The following FOXC1 variants were observed in gnomAD, a reference collection of about 807,000 sequenced individuals.
FOXC1 encodes forkhead box C1, also known as forkhead box protein C1.
Under a neutral mutation model 8.1 loss-of-function variants are expected in FOXC1, and 5 were observed. That is an observed-to-expected ratio of 0.62 (90% CI 0.32 to 1.30). FOXC1 has a LOEUF of 1.30. FOXC1 is among the 50% of genes most tolerant of loss of function. The pLI, the probability that FOXC1 is intolerant of heterozygous loss-of-function variation, is 0.05. For synonymous variants in FOXC1, 552 were observed against 417.2 expected (o/e 1.32, Z -3.94); for missense variants, 942 against 858.0 (o/e 1.10, Z -1.22).
chr6:1,612,221 A>G lies in FOXC1; in HGVS notation c.*114A>G. 6.7e-7 allele frequency: 1 copy of G among 1,488,666 alleles called. No homozygotes were observed. Among genetic ancestry groups the G allele is most frequent in the Non-Finnish European group, 9.1e-7 (1 of 1,095,438 alleles). 92.2% of individuals were successfully genotyped at this position (1,488,666 alleles called of 1,614,324 possible). ...ATCCAATTAAAAAAAACCCCTGAGAATATTCACCACACCAGCGAACAGAAT... is the reference window on the plus strand; with the variant it reads ...ATCCAATTAAAAAAAACCCCTGAGAGTATTCACCACACCAGCGAACAGAAT... On this transcript the variant is annotated 3_prime_UTR_variant, in exon 1 of 1. Coordinates refer to ENST00000645831, the MANE Select transcript of FOXC1 (RefSeq NM_001453.3).
chr6:1,610,721 G>T lies in FOXC1; in HGVS notation c.276G>T (p.Gln92His), dbSNP rs767147260. The T allele has an allele frequency of 6.2e-7, 1 of 1,614,016 alleles. No homozygotes were observed. Among genetic ancestry groups the T allele is most frequent in the South Asian group, 1.1e-5 (1 of 91,076 alleles). Residue 92 changes from glutamine (Q) to histidine (H), a missense_variant, in exon 1 of 1, where the codon CAG becomes CAT. Physicochemically the swap from Gln to His is conservative, Grantham distance 24. Coordinates refer to ENST00000645831, the MANE Select transcript of FOXC1 (RefSeq NM_001453.3). ...TCGCGCTCATCACCATGGCCATCCA[G>T]AACGCCCCGGACAAGAAGATCACCC... The part of the protein sequence containing the change: ...SYIALITMAI[Q>H]NAPDKKITLN...
At position 1,611,270 on chromosome 6, in the gene FOXC1, C is replaced by A. The variant is rs1388370162; in HGVS notation, c.825C>A (p.Gly275=). ...TGTCCAGCGGGAGCAGCCCCCCGGGCAGCCTGCCGTCGGCGCGGCCGCTCA... is the reference window on the plus strand; with the variant it reads ...TGTCCAGCGGGAGCAGCCCCCCGGGAAGCCTGCCGTCGGCGCGGCCGCTCA... The part of the protein sequence containing the change: ...SSLSSGSSPP[G]SLPSARPLSL... The change falls in exon 1 of 1, where the codon GGC becomes GGA. Residue 275 remains glycine (G), a synonymous_variant. Coordinates refer to ENST00000645831, the MANE Select transcript of FOXC1 (RefSeq NM_001453.3). This position sits in a 1 kb window ranked among gnomAD's most constrained non-coding sequence, Gnocchi z 7.1. 3 of 1,397,442 alleles carry A rather than the reference C, an allele frequency of 2.1e-6. No individual in the cohort carries two copies. In the South Asian group the frequency reaches 4.4e-5, roughly 20 times the overall value. 86.6% of individuals were successfully genotyped at this position (1,397,442 alleles called of 1,614,324 possible).
rs760676014 is a variant in FOXC1, at chr6:1,611,936, C to T, written c.1491C>T (p.Tyr497=). Residue 497 remains tyrosine, a synonymous_variant, in exon 1 of 1, where the codon TAC becomes TAT. Transcript: ENST00000645831. The surrounding 1 kb of genome is among the most constrained non-coding windows in gnomAD (Gnocchi z 7.1). ...SAAAAAAAAG[Y]PGQQQNFHSV... ...CGGCGGCGGCGGCGGCCGCAGGCTA[C>T]CCGGGCCAGCAGCAGAACTTCCACT... 7.0e-6 allele frequency: 11 copies of T among 1,579,204 alleles called. No homozygotes were observed. The highest frequency in any genetic ancestry group is 1.7e-4 in the Middle Eastern group (1 of 6,036).
chr6:1,611,785 G>C lies in FOXC1; in HGVS notation c.1340G>C (p.Gly447Ala). 1 of 1,090,324 alleles carries C rather than the reference G, an allele frequency of 9.2e-7. No individual in the cohort carries two copies. The highest frequency in any genetic ancestry group is 1.2e-6 in the Non-Finnish European group (1 of 819,684). 67.5% of individuals were successfully genotyped at this position (1,090,324 alleles called of 1,614,324 possible). ...AGCAGCTCGTCGTCCCTGAGTCACGGCGGCGGCGGCGGCGGCGGCGGGGGA... is the reference window on the plus strand; with the variant it reads ...AGCAGCTCGTCGTCCCTGAGTCACGCCGGCGGCGGCGGCGGCGGCGGGGGA... ...TSSSSSSLSH[G>A]GGGGGGGGGQ... The change falls in exon 1 of 1, where the codon GGC becomes GCC. Residue 447 changes from glycine (G) to alanine (A), a missense_variant. This residue lies in a region of FOXC1 where 726 missense variants were observed against 599.6 expected (regional missense o/e 1.21). Transcript: ENST00000645831. The surrounding 1 kb of genome is among the most constrained non-coding windows in gnomAD (Gnocchi z 7.1).
rs1554100998 is a variant in FOXC1, at chr6:1,611,198, C to T, written c.753C>T (p.Ala251=). Residue 251 remains alanine (A), a synonymous_variant, in exon 1 of 1, where the codon GCC becomes GCT. Coordinates refer to ENST00000645831, the MANE Select transcript of FOXC1 (RefSeq NM_001453.3). This position sits in a 1 kb window ranked among gnomAD's most constrained non-coding sequence, Gnocchi z 7.1. ...SPAAALGSGS[A]AAVPKIESPD... ...CCGCCGCCCTGGGCAGCGGCAGCGCCGCCGCGGTGCCCAAGATCGAGAGCC... is the reference window on the plus strand; with the variant it reads ...CCGCCGCCCTGGGCAGCGGCAGCGCTGCCGCGGTGCCCAAGATCGAGAGCC... The T allele has an allele frequency of 6.8e-7, 1 of 1,460,042 alleles. No homozygotes were observed. Among genetic ancestry groups the T allele is most frequent in the Non-Finnish European group, 9.0e-7 (1 of 1,105,616 alleles). The allele number at this position is 1,460,042 out of a possible 1,614,324, so 90.4% of individuals were successfully genotyped here.
In FOXC1 at chr6:1,611,425, A is replaced by T; in HGVS notation, c.980A>T (p.Glu327Val). 7.0e-7 allele frequency: 1 copy of T among 1,435,966 alleles called. No individual in the cohort carries two copies. The highest frequency in any genetic ancestry group is 9.1e-7 in the Non-Finnish European group (1 of 1,096,302). The allele number at this position is 1,435,966 out of a possible 1,614,324, so 89.0% of individuals were successfully genotyped here. Residue 327 changes from glutamate to valine, a missense_variant, in exon 1 of 1, where the codon GAG becomes GTG. Physicochemically the swap from Glu to Val is moderately radical, Grantham distance 121. This residue lies in a region of FOXC1 where 726 missense variants were observed against 599.6 expected (regional missense o/e 1.21). Transcript: ENST00000645831. This position sits in a 1 kb window ranked among gnomAD's most constrained non-coding sequence, Gnocchi z 7.1. ...GGGTCGCCGCAGAGCGCGGCCGCGG[A>T]GCTCAGCTCCGGCCTTCTGGCCTCG... is the stretch of plus-strand genomic sequence containing the variant. The part of the protein sequence containing the change: ...LRGSPQSAAA[E>V]LSSGLLASAA...
In FOXC1 at chr6:1,611,941, G is replaced by T. The variant is rs1362278016; in HGVS notation, c.1496G>T (p.Gly499Val). ...AAAAAAAGYP[G>V]QQQNFHSVRE... The stretch of plus-strand genomic sequence containing the variant: ...GCGGCGGCGGCCGCAGGCTACCCGG[G>T]CCAGCAGCAGAACTTCCACTCGGTG... The change falls in exon 1 of 1, where the codon GGC becomes GTC. Residue 499 changes from glycine (G) to valine (V), a missense_variant. Gly to Val is a moderately radical substitution (Grantham distance 109). Around this residue, in one of 4 missense-constraint regions of FOXC1, gnomAD observed 726 missense variants for 599.6 expected, o/e 1.21. Transcript: ENST00000645831. This position sits in a 1 kb window ranked among gnomAD's most constrained non-coding sequence, Gnocchi z 7.1. 6 of 1,585,790 alleles carry T rather than the reference G, an allele frequency of 3.8e-6. No individual in the cohort carries two copies. The East Asian group carries it at 1.4e-4, about 36-fold the overall frequency.
In FOXC1 at chr6:1,611,171, GGCCGCCGCCCTGGGCAGCGGCAGC is replaced by G. The variant is rs773870097; in HGVS notation, c.735_758del (p.Leu246_Ala253del). ...CCTCGCCGCCCCAGCCCCTGTCCCCGGCCGCCGCCCTGGGCAGCGGCAGCGCCGCCGCGGTGCCCAAGATCGAGA... is the reference window on the plus strand; with the variant it reads ...CCTCGCCGCCCCAGCCCCTGTCCCCGGCCGCCGCGGTGCCCAAGATCGAGA... On this transcript the variant is annotated inframe_deletion, in exon 1 of 1. Coordinates refer to ENST00000645831, the MANE Select transcript of FOXC1 (RefSeq NM_001453.3). This position sits in a 1 kb window ranked among gnomAD's most constrained non-coding sequence, Gnocchi z 7.1. 42 of 1,456,240 alleles carry G rather than the reference GGCCGCCGCCCTGGGCAGCGGCAGC, an allele frequency of 2.9e-5. No individual in the cohort carries two copies. The highest frequency in any genetic ancestry group is 2.7e-4 in the African/African-American group (18 of 67,284). The allele number at this position is 1,456,240 out of a possible 1,614,324, so 90.2% of individuals were successfully genotyped here.
rs1472712259 is a variant in FOXC1, at chr6:1,612,035, A to G, written c.1590A>G (p.Gln530=). The part of the protein sequence containing the change: ...NSPVNGNSSC[Q]MAFPSSQSLY... ...CAGTGAACGGGAATAGTAGCTGTCA[A>G]ATGGCCTTCCCTTCCAGCCAGTCTC... Residue 530 remains glutamine, a synonymous_variant, in exon 1 of 1, where the codon CAA becomes CAG. Coordinates refer to ENST00000645831, the MANE Select transcript of FOXC1 (RefSeq NM_001453.3). The G allele has an allele frequency of 6.2e-7, 1 of 1,613,616 alleles. No homozygotes were observed. Among genetic ancestry groups the G allele is most frequent in the Non-Finnish European group, 8.5e-7 (1 of 1,180,030 alleles).
At position 1,612,392 on chromosome 6, in the gene FOXC1, T is replaced by C; in HGVS notation, c.*285T>C. 1 of 565,568 alleles carries C rather than the reference T, an allele frequency of 1.8e-6. No homozygotes were observed. Among genetic ancestry groups the C allele is most frequent in the Non-Finnish European group, 3.2e-6 (1 of 309,696 alleles). The allele number at this position is 565,568 out of a possible 1,614,324, so 35.0% of individuals were successfully genotyped here. On this transcript the variant is annotated 3_prime_UTR_variant, in exon 1 of 1. Transcript: ENST00000645831. The stretch of plus-strand genomic sequence containing the variant: ...ATACAGAGACAGCAAAATCTTGGTT[T>C]ATTAAAGGACAGTGTTACTCCAGAT...
Position 1,612,140 on chromosome 6 carries a change from A to T in FOXC1, c.*33A>T, listed in dbSNP as rs2113115481. The T allele has an allele frequency of 6.2e-7, 1 of 1,613,764 alleles. No individual in the cohort carries two copies. The highest frequency in any genetic ancestry group is 2.2e-5 in the East Asian group (1 of 44,878). On this transcript the variant is annotated 3_prime_UTR_variant, in exon 1 of 1. Transcript: ENST00000645831. Reference sequence around the variant, plus strand: ...TCAAAGCCGAACTAAATCGAACCCCAAAGCAGGAAAAGCTAAAGGAACCCA... The same window carrying T: ...TCAAAGCCGAACTAAATCGAACCCCTAAGCAGGAAAAGCTAAAGGAACCCA...
At position 1,610,972 on chromosome 6, in the gene FOXC1, AGAAGGACGCGGT is replaced by A; in HGVS notation, c.535_546del (p.Ala179_Asp182del). 6.2e-7 allele frequency: 1 copy of A among 1,612,882 alleles called. No individual in the cohort carries two copies. The highest frequency in any genetic ancestry group is 8.5e-7 in the Non-Finnish European group (1 of 1,179,732). On this transcript the variant is annotated inframe_deletion, in exon 1 of 1. Coordinates refer to ENST00000645831, the MANE Select transcript of FOXC1 (RefSeq NM_001453.3). ...CTGCGGCGGCGGCGGCGCTTCAAGAAGAAGGACGCGGTGAAGGACAAGGAGGAGAAGGACAGG... is the reference window on the plus strand; with the variant it reads ...CTGCGGCGGCGGCGGCGCTTCAAGAAGAAGGACAAGGAGGAGAAGGACAGG...
Position 1,611,687 on chromosome 6 carries a change from C to G in FOXC1, c.1242C>G (p.Gly414=), listed in dbSNP as rs1249480807. Residue 414 remains glycine, a synonymous_variant, in exon 1 of 1, where the codon GGC becomes GGG. Coordinates refer to ENST00000645831, the MANE Select transcript of FOXC1 (RefSeq NM_001453.3). This position sits in a 1 kb window ranked among gnomAD's most constrained non-coding sequence, Gnocchi z 7.1. ...GCGAGCGCGGGGGCCACTTGCAGGGCGCGCCCGGGGGCGCGGGCGGCTCGG... is the reference window on the plus strand; with the variant it reads ...GCGAGCGCGGGGGCCACTTGCAGGGGGCGCCCGGGGGCGCGGGCGGCTCGG... ...AAGERGGHLQ[G]APGGAGGSAV... is the part of the protein sequence containing the mutation. 6 of 1,422,186 alleles carry G rather than the reference C, an allele frequency of 4.2e-6. No homozygotes were observed. In the East Asian group the frequency reaches 1.9e-4, roughly 44 times the overall value. The allele number at this position is 1,422,186 out of a possible 1,614,324, so 88.1% of individuals were successfully genotyped here. A position where few individuals can be genotyped will look rare whatever the true frequency, so the allele number is the denominator to read the frequency against.
Position 1,612,294 on chromosome 6 carries a change from A to AT in FOXC1, c.*191dup. On this transcript the variant is annotated 3_prime_UTR_variant, in exon 1 of 1. Coordinates refer to ENST00000645831, the MANE Select transcript of FOXC1 (RefSeq NM_001453.3). Reference sequence around the variant, plus strand: ...CCAGCACCAGCACGAAGAAAACTCTATTTTCTTAACCGATTAATTCAGAGC... The same window carrying AT: ...CCAGCACCAGCACGAAGAAAACTCTATTTTTCTTAACCGATTAATTCAGAGC... 1 of 871,874 alleles carries AT rather than the reference A, an allele frequency of 1.1e-6. No individual in the cohort carries two copies. Among genetic ancestry groups the AT allele is most frequent in the African/African-American group, 1.7e-5 (1 of 58,408 alleles). 54.0% of individuals were successfully genotyped at this position (871,874 alleles called of 1,614,324 possible). A position where few individuals can be genotyped will look rare whatever the true frequency, so the allele number is the denominator to read the frequency against.
At position 1,612,343 on chromosome 6, in the gene FOXC1, A is replaced by G. The variant is rs780414480; in HGVS notation, c.*236A>G. The G allele has an allele frequency of 6.1e-6, 4 of 656,122 alleles. No homozygotes were observed. Among genetic ancestry groups the G allele is most frequent in the Non-Finnish European group, 1.1e-5 (4 of 377,018 alleles). 40.6% of individuals were successfully genotyped at this position (656,122 alleles called of 1,614,324 possible). ...GCCACCTCCACTTTGCCTTGTCTAA[A>G]TAAACAAACCCGTAAACTGTTTTAT... is the stretch of plus-strand genomic sequence containing the variant. On this transcript the variant is annotated 3_prime_UTR_variant, in exon 1 of 1. Coordinates refer to ENST00000645831, the MANE Select transcript of FOXC1 (RefSeq NM_001453.3).
In FOXC1 at chr6:1,610,664, C is replaced by T. The variant is rs772938181; in HGVS notation, c.219C>T (p.Pro73=). ...AYGPYTPQPQ[P]KDMVKPPYSY... ...GGCCCTACACGCCGCAGCCGCAGCC[C>T]AAGGACATGGTGAAGCCGCCCTATA... The change falls in exon 1 of 1, where the codon CCC becomes CCT. Residue 73 remains proline, a synonymous_variant. Coordinates refer to ENST00000645831, the MANE Select transcript of FOXC1 (RefSeq NM_001453.3). The T allele has an allele frequency of 1.2e-6, 2 of 1,613,584 alleles. No homozygotes were observed. Among genetic ancestry groups the T allele is most frequent in the Admixed American group, 1.7e-5 (1 of 60,020 alleles).
In FOXC1 at chr6:1,611,375, G is replaced by A; in HGVS notation, c.930G>A (p.Val310=). Residue 310 remains valine (V), a synonymous_variant, in exon 1 of 1, where the codon GTG becomes GTA. Coordinates refer to ENST00000645831, the MANE Select transcript of FOXC1 (RefSeq NM_001453.3). The surrounding 1 kb of genome is among the most constrained non-coding windows in gnomAD (Gnocchi z 7.1). ...PPPHHSQGFS[V]DNIMTSLRGS... The stretch of plus-strand genomic sequence containing the variant: ...CGCACCATAGCCAGGGCTTCAGCGT[G>A]GACAACATCATGACGTCGCTGCGGG... 5 of 1,447,540 alleles carry A rather than the reference G, an allele frequency of 3.5e-6. No homozygotes were observed. The highest frequency in any genetic ancestry group is 4.5e-6 in the Non-Finnish European group (5 of 1,101,794). 89.7% of individuals were successfully genotyped at this position (1,447,540 alleles called of 1,614,324 possible).
rs1762568915 is a variant in FOXC1, at chr6:1,612,162, C to T, written c.*55C>T. On this transcript the variant is annotated 3_prime_UTR_variant, in exon 1 of 1. Coordinates refer to ENST00000645831, the MANE Select transcript of FOXC1 (RefSeq NM_001453.3). ...CCCAAAGCAGGAAAAGCTAAAGGAA[C>T]CCATCAAGGCAAAATCGAAACTAAA... 1.9e-6 allele frequency: 3 copies of T among 1,610,194 alleles called. No individual in the cohort carries two copies. Among genetic ancestry groups the T allele is most frequent in the Non-Finnish European group, 2.5e-6 (3 of 1,179,308 alleles).
At position 1,611,133 on chromosome 6, in the gene FOXC1, A is replaced by G; in HGVS notation, c.688A>G (p.Asn230Asp). ...GCGCATCCAGGACATCAAGACCGAGAACGGTACGTGCCCCTCGCCGCCCCA... is the reference window on the plus strand; with the variant it reads ...GCGCATCCAGGACATCAAGACCGAGGACGGTACGTGCCCCTCGCCGCCCCA... ...PVRIQDIKTE[N>D]GTCPSPPQPL... The change falls in exon 1 of 1, where the codon AAC becomes GAC. Residue 230 changes from asparagine to aspartate, a missense_variant. Asn to Asp is a conservative substitution (Grantham distance 23, BLOSUM62 1). This residue lies in a region of FOXC1 where 726 missense variants were observed against 599.6 expected (regional missense o/e 1.21). Transcript: ENST00000645831. The surrounding 1 kb of genome is among the most constrained non-coding windows in gnomAD (Gnocchi z 7.1). 1 of 1,426,488 alleles carries G rather than the reference A, an allele frequency of 7.0e-7. No homozygotes were observed. Among genetic ancestry groups the G allele is most frequent in the Non-Finnish European group, 9.3e-7 (1 of 1,080,134 alleles). The allele number at this position is 1,426,488 out of a possible 1,614,324, so 88.4% of individuals were successfully genotyped here. A position where few individuals can be genotyped will look rare whatever the true frequency, so the allele number is the denominator to read the frequency against.
Sources: gnomAD v4.1 joint callset for allele counts on GRCh38, gnomAD v4.1.1 for gene constraint, gnomAD v4.1.1 regional missense constraint, Gnocchi (gnomAD v3.1) non-coding constraint, MANE v1.5 for transcripts, NCBI Gene and HGNC (gene_info 2026-07-23, HGNC 2026-07-21) for gene names.